The following CGGBP1 variants were observed in gnomAD, a reference collection of about 807,000 sequenced individuals.
CGGBP1 encodes CGG triplet repeat binding protein 1.
A neutral mutation model predicts 11.4 loss-of-function variants in CGGBP1; 4 were observed. The observed-to-expected ratio is 0.35, with a 90% confidence interval of 0.17 to 0.80. The LOEUF is 0.80. CGGBP1 is among the 30% of genes least tolerant of loss of function. CGGBP1 has a pLI of 0.52. For synonymous variants in CGGBP1, 76 were observed against 74.1 expected, an observed-to-expected ratio of 1.03 and a Z score of -0.13; for missense variants, 135 against 202.1, an observed-to-expected ratio of 0.67 and a Z score of 2.01.
At chr3:88,124,619 A>G (rs1246478186) in intron 2 of CGGBP1, among the ~76,000 whole-genome samples, 1 of 152,230 alleles carries the variant, frequency 6.6e-6, no homozygotes, top group Non-Finnish European at 1.5e-5. Flanking sequence ...TGTAGCCTTG[A>G]TTCATCTAAT....
intron 2 of CGGBP1, among the ~76,000 whole-genome samples, chr3:88,126,526 G>A (rs1395407824): frequency 6.7e-6 from 1 of 148,480 alleles, no homozygotes; most frequent in Non-Finnish European, 1.5e-5. Context: ...TTTACAGAGA[G>A]TGTATTTTTG....
upstream of CGGBP1, among the ~76,000 whole-genome samples, chr3:88,060,998 T>G (rs1706847712): frequency 6.6e-6 from 1 of 152,174 alleles, no homozygotes; most frequent in Non-Finnish European, 1.5e-5. Context: ...AATGACTTTC[T>G]TGAAAATGTA....
At chr3:88,086,602 A>C (rs1449774598) in intron 2 of CGGBP1, among the ~76,000 whole-genome samples, 1 of 152,150 alleles carries the variant, frequency 6.6e-6, no homozygotes, top group Non-Finnish European at 1.5e-5. Flanking sequence ...AGTTAAATGG[A>C]ATTTTGATAT....
chr3:88,099,570 A>G (rs1704279515), intron 2 of CGGBP1, among the ~76,000 whole-genome samples: 1 of 152,156 alleles, frequency 6.6e-6, no homozygotes. Context: ...ACCTACTTCA[A>G]ACTATACTAC....
At chr3:88,058,451 C>G (rs1373343599) in intron 1 of CGGBP1, among the ~76,000 whole-genome samples, 1 of 152,120 alleles carries the variant, frequency 6.6e-6, no homozygotes, top group Non-Finnish European at 1.5e-5. Context: ...CCCGGGGGTT[C>G]GGGCGGGGGC....
intron 2 of CGGBP1, among the ~76,000 whole-genome samples, chr3:88,101,333 A>G (rs1192957428): frequency 6.6e-6 from 1 of 152,156 alleles, no homozygotes; most frequent in Non-Finnish European, 1.5e-5. Context: ...ATCTCTATAG[A>G]GTTGCTATTT....
At chr3:88,116,405 A>T (rs1030302714) in intron 2 of CGGBP1, among the ~76,000 whole-genome samples, 4 of 151,870 alleles carry the variant, frequency 2.6e-5, no homozygotes, top group African/African-American at 4.8e-5. Context: ...CTGTAATCCC[A>T]GCTACTTGGG....
chr3:88,077,563 T>A (rs1284800843), intron 2 of CGGBP1, among the ~76,000 whole-genome samples: 1 of 152,126 alleles, frequency 6.6e-6, no homozygotes, highest in Non-Finnish European at 1.5e-5. Flanking sequence ...TGTTCTTCAT[T>A]TAATTTATGA....
At chr3:88,134,097 G>A (rs1228026571) in intron 2 of CGGBP1, among the ~76,000 whole-genome samples, 2 of 149,656 alleles carry the variant, frequency 1.3e-5, no homozygotes, top group Non-Finnish European at 3.0e-5. Flanking sequence ...CTAAAAGAGT[G>A]TGAGTTAAAA....
intron 2 of CGGBP1, among the ~76,000 whole-genome samples, chr3:88,072,694 T>C (rs1179835491): frequency 1.3e-5 from 2 of 152,194 alleles, no homozygotes; most frequent in African/African-American, 4.8e-5. Flanking sequence ...TTTATTAATA[T>C]TATATTTAAA....
intron 1 of CGGBP1, among the ~76,000 whole-genome samples, chr3:88,148,765 G>C (rs1406875384): frequency 6.6e-6 from 1 of 152,046 alleles, no homozygotes; most frequent in Non-Finnish European, 1.5e-5. Flanking sequence ...CTCAGCCTCC[G>C]AGTAGCTGGG....
chr3:88,138,003 G>A (rs954495226), intron 2 of CGGBP1, among the ~76,000 whole-genome samples: 4 of 152,042 alleles, frequency 2.6e-5, no homozygotes, highest in African/African-American at 9.7e-5. Flanking sequence ...ACTAAGATGG[G>A]TCGACAATAG....
chr3:88,110,731 T>G (rs1457954617), intron 2 of CGGBP1, among the ~76,000 whole-genome samples: 6 of 152,116 alleles, frequency 3.9e-5, no homozygotes, highest in African/African-American at 1.4e-4. Flanking sequence ...AGTTGACTAT[T>G]TATACAGTCA....
rs554523533 is a variant in CGGBP1 at position 88,052,300 on chromosome 3, T to C, written c.*3173A>G. 6.2e-4 allele frequency: 95 copies of C among 152,766 alleles called. No homozygotes were observed. Among genetic ancestry groups the C allele is most frequent in the Non-Finnish European group, 1.6e-4 (11 of 68,014 alleles). 9.5% of individuals were successfully genotyped at this position (152,766 alleles called of 1,614,324 possible). A position where few individuals can be genotyped will look rare whatever the true frequency, so the allele number is the denominator to read the frequency against. ...GCTGACCAGAAGCTAAAGCAATTTC[T>C]TTTAGGCTAAGATTGGCAAAAAATC... On this transcript the variant is annotated 3_prime_UTR_variant, in exon 4 of 4. Transcript: ENST00000482016.
chr3:88,112,221 ATATT>A (rs754971220), intron 2 of CGGBP1, among the ~76,000 whole-genome samples: 42 of 151,934 alleles, frequency 2.8e-4, no homozygotes, highest in Non-Finnish European at 4.9e-4. Flanking sequence ...AAAAGCATAT[ATATT>A]CTCATGTTTA....
intron 2 of CGGBP1, among the ~76,000 whole-genome samples, chr3:88,126,698 CACT>C (rs1706125952): frequency 6.7e-6 from 1 of 149,324 alleles, no homozygotes; most frequent in South Asian, 2.1e-4. Flanking sequence ...GAATTTTTGT[CACT>C]ACTACTGCAT....
At chr3:88,065,524 C>A (rs961746081) in intron 2 of CGGBP1, among the ~76,000 whole-genome samples, 4 of 152,130 alleles carry the variant, frequency 2.6e-5, no homozygotes, top group Admixed American at 1.3e-4. Context: ...ACACAGGACA[C>A]AGGTGATTTC....
chr3:88,071,779 G>A (rs1468461139), intron 2 of CGGBP1, among the ~76,000 whole-genome samples: 2 of 152,142 alleles, frequency 1.3e-5, no homozygotes, highest in East Asian at 3.9e-4. Flanking sequence ...ACTCCAGCCT[G>A]GGCGACAAGA....
At chr3:88,143,434 T>C (rs954324406) in intron 1 of CGGBP1, 25 of 152,318 alleles carry the variant, frequency 1.6e-4, no homozygotes, top group Admixed American at 1.4e-3. Context: ...TATTTCTTGA[T>C]ACTAAAAATG....
Sources: allele counts gnomAD v4.1 joint callset (sites outside exome capture counted in the v4.1 genomes callset), GRCh38; gene constraint gnomAD v4.1.1; transcripts MANE v1.5; gene names NCBI Gene and HGNC (gene_info 2026-07-23, HGNC 2026-07-21).